The following MAGI1 variants were observed in gnomAD, a reference collection of about 807,000 sequenced individuals.
MAGI1 encodes the protein membrane associated guanylate kinase, WW and PDZ domain containing 1.
Under a neutral mutation model 139.9 loss-of-function variants are expected in MAGI1, and 58 were observed. That is an observed-to-expected ratio of 0.41 (90% confidence interval 0.34 to 0.52). The LOEUF is 0.52. Ranked by LOEUF, MAGI1 falls within the 20% of genes least tolerant of loss-of-function variation. The probability of loss-of-function intolerance (pLI) is 0.12; values close to 1 mark genes in which losing one functional copy is unlikely to be tolerated. For missense variants in MAGI1, 1,874 were observed against 1,901.6 expected, an observed-to-expected ratio of 0.99 and a Z score of 0.27; for synonymous variants, 812 against 737.9, an observed-to-expected ratio of 1.10 and a Z score of -1.63.
In MAGI1 at chr3:65,381,914, G is replaced by A. The variant is rs534515783; in HGVS notation, c.2664C>T (p.His888=). ...CTTTACGCCGCACCGTGAGATTGAC[G>A]TGGCCTTGCTTGGCAGCTTGTTGCA... ...QLMQQAAKQG[H]VNLTVRRKVV... The change falls in exon 16 of 23, where the codon CAC becomes CAT. Residue 888 remains histidine, a synonymous_variant. Transcript: ENST00000402939. 2.2e-5 allele frequency: 35 copies of A among 1,613,930 alleles called. No homozygotes were observed. The South Asian group carries it at 2.2e-4, about 10-fold the overall frequency.
chr3:65,510,314 G>C (rs1312100617), intron 2 of MAGI1, among the ~76,000 whole-genome samples: 6 of 152,192 alleles, frequency 3.9e-5, no homozygotes. Context: ...GAATGACTTT[G>C]ATGAGCTGAG....
chr3:65,465,974 G>T (rs2107559499), intron 5 of MAGI1, among the ~76,000 whole-genome samples: 1 of 152,028 alleles, frequency 6.6e-6, no homozygotes, highest in South Asian at 2.1e-4. Context: ...CTATTTTCAG[G>T]TCCACTGATT....
chr3:65,788,461 T>A (rs537831724), intron 1 of MAGI1, among the ~76,000 whole-genome samples: 4 of 152,346 alleles, frequency 2.6e-5, no homozygotes, highest in African/African-American at 9.6e-5. Context: ...CTTTCCCCTA[T>A]GCATTTTAGA....
chr3:65,989,202 G>A (rs2107342958), intron 1 of MAGI1, among the ~76,000 whole-genome samples: 2 of 152,292 alleles, frequency 1.3e-5, no homozygotes, highest in Middle Eastern at 6.8e-3. Context: ...ATTTTAAGAG[G>A]ATTTATATAG....
chr3:65,438,199 A>T (rs188717523), intron 9 of MAGI1, among the ~76,000 whole-genome samples: 1 of 152,322 alleles, frequency 6.6e-6, no homozygotes, highest in Admixed American at 6.5e-5. Flanking sequence ...CAGCCATAAA[A>T]AAGAGAATAA....
At chr3:65,631,439 T>C (rs2084296625) in intron 1 of MAGI1, among the ~76,000 whole-genome samples, 1 of 152,236 alleles carries the variant, frequency 6.6e-6, no homozygotes. Flanking sequence ...TAGTATTTTA[T>C]CTCATCAATT....
At chr3:65,934,747 G>C (rs2062966379) in intron 1 of MAGI1, among the ~76,000 whole-genome samples, 1 of 151,852 alleles carries the variant, frequency 6.6e-6, no homozygotes, top group Non-Finnish European at 1.5e-5. Context: ...CCAGATTGTG[G>C]GCTGAGAAGA....
intron 1 of MAGI1, among the ~76,000 whole-genome samples, chr3:65,883,910 A>G (rs264710): frequency 0.31 from 46,464 of 152,062 alleles, 8,917 homozygotes; most frequent in African/African-American, 0.54. Context: ...AAAGAAATAA[A>G]CTTTTCAGTC....
At chr3:65,513,477 AT>A (rs1374935490) in intron 2 of MAGI1, among the ~76,000 whole-genome samples, 4 of 25,018 alleles carry the variant, frequency 1.6e-4, no homozygotes, top group African/African-American at 5.8e-4. Context: ...TACAAAATCA[AT>A]GTACAAAAAT....
At chr3:65,841,036 T>C (rs76148468) in intron 1 of MAGI1, among the ~76,000 whole-genome samples, 2 of 152,198 alleles carry the variant, frequency 1.3e-5, no homozygotes, top group African/African-American at 4.8e-5. Flanking sequence ...TTGGTCCATC[T>C]CATCTCAGTC....
chr3:65,471,124 G>T (rs1950535987), intron 4 of MAGI1, among the ~76,000 whole-genome samples: 1 of 152,104 alleles, frequency 6.6e-6, no homozygotes, highest in African/African-American at 2.4e-5. Context: ...AAAACCAAGA[G>T]TTACCCCCAG....
chr3:65,447,738 C>T (rs1948763423), intron 7 of MAGI1, among the ~76,000 whole-genome samples: 1 of 152,216 alleles, frequency 6.6e-6, no homozygotes, highest in African/African-American at 2.4e-5. Flanking sequence ...CTTTCCCAAT[C>T]CTCACTTTAC....
chr3:65,473,385 G>T lies in MAGI1; in HGVS notation c.758-2901C>A, dbSNP rs148275465. On this transcript the variant is annotated intron_variant, in intron 4 of 22. Coordinates refer to ENST00000402939, the MANE Select transcript of MAGI1 (RefSeq NM_001033057.2). ...AGAACAGAATTAACACATGCAAAGT[G>T]CCTGGCACCTGGGGCATGCTCAATG... is the stretch of plus-strand genomic sequence containing the variant. 1.5e-3 allele frequency among the ~76,000 whole-genome samples: 231 copies of T among 152,218 alleles called. 1 individual carries two copies. The highest frequency in any genetic ancestry group is 5.3e-3 in the African/African-American group (222 of 41,530).
chr3:65,446,657 A>C (rs1162130743), intron 7 of MAGI1, among the ~76,000 whole-genome samples: 1 of 152,310 alleles, frequency 6.6e-6, no homozygotes, highest in East Asian at 1.9e-4. Context: ...CAAATGATTA[A>C]GACACTCATT....
chr3:65,558,539 C>T (rs2108004414), intron 2 of MAGI1, among the ~76,000 whole-genome samples: 1 of 152,276 alleles, frequency 6.6e-6, no homozygotes, highest in East Asian at 1.9e-4. Context: ...CTGTTATCTT[C>T]TTACATCATT....
chr3:65,940,847 T>C (rs2063280941), intron 1 of MAGI1, among the ~76,000 whole-genome samples: 1 of 152,106 alleles, frequency 6.6e-6, no homozygotes, highest in Non-Finnish European at 1.5e-5. Flanking sequence ...GTGGAAGATC[T>C]CTCAACTCCT....
rs758046098 is a variant in MAGI1, at chr3:65,431,770, G to A, written c.1364-889C>T. On this transcript the variant is annotated intron_variant, in intron 10 of 22. Transcript: ENST00000402939. ...GGGAGGCTGAGTCAGGTGGAGCACT[G>A]AGGTCAGGAGTTCAAAACCAACCTG... Among the ~76,000 whole-genome samples the A allele has an allele frequency of 1.3e-3, 204 of 151,814 alleles. 1 individual carries two copies. The highest frequency in any genetic ancestry group is 1.1e-3 in the Non-Finnish European group (75 of 67,960).
intron 12 of MAGI1, 164 bp from the exon 13 acceptor site, chr3:65,401,634 G>A (rs1250217584): frequency 2.6e-6 from 4 of 1,549,626 alleles, no homozygotes; most frequent in East Asian, 2.4e-5. Flanking sequence ...TGTTCATATC[G>A]AATCAAAGCA....
At chr3:65,742,066 A>G (rs544446854) in intron 1 of MAGI1, among the ~76,000 whole-genome samples, 1 of 152,308 alleles carries the variant, frequency 6.6e-6, no homozygotes, top group South Asian at 2.1e-4. Flanking sequence ...GTTCACTCGC[A>G]TGGGGATATG....
Sources: allele counts gnomAD v4.1 joint callset (sites outside exome capture counted in the v4.1 genomes callset), GRCh38; gene constraint gnomAD v4.1.1; transcripts MANE v1.5; gene names NCBI Gene and HGNC (gene_info 2026-07-23, HGNC 2026-07-21).